TRERF1: variants seen among roughly 807,000 people sequenced by gnomAD.
TRERF1 encodes the protein transcriptional-regulating factor 1.
A neutral mutation model predicts 122.9 loss-of-function variants in TRERF1; 27 were observed. The observed-to-expected ratio is 0.22, with a 90% CI of 0.16 to 0.30. TRERF1 has a LOEUF of 0.30. Among genes scored for constraint, TRERF1 ranks in the 10% least tolerant of loss-of-function variants. The pLI is 1.00. For synonymous variants in TRERF1, 636 were observed against 641.7 expected (o/e 0.99, Z 0.13); for missense variants, 1,248 against 1,560.3 (o/e 0.80, Z 3.37).
At chr6:42,308,639 A>G (rs1362049302) in intron 3 of TRERF1, among the ~76,000 whole-genome samples, 1 of 152,244 alleles carries the variant, frequency 6.6e-6, no homozygotes, top group Non-Finnish European at 1.5e-5. Context: ...TTGCAGGAAC[A>G]TGGGTGGAGC....
At chr6:42,273,533 G>C (rs1780617797) in intron 4 of TRERF1, among the ~76,000 whole-genome samples, 1 of 152,174 alleles carries the variant, frequency 6.6e-6, no homozygotes, top group South Asian at 2.1e-4. Context: ...TAGACAAATA[G>C]GGCTTACAGA....
In TRERF1 at chr6:42,436,824, T is replaced by A. The variant is rs1269262526; in HGVS notation, c.-454+14353A>T. Among the ~76,000 whole-genome samples the A allele has an allele frequency of 7.5e-3, 1,000 of 133,586 alleles. 16 individuals are homozygous for A. The highest frequency in any genetic ancestry group is 0.028 in the African/African-American group (932 of 33,470). The allele number at this position is 133,586 out of a possible 152,430, so 87.6% of individuals were successfully genotyped here. A position where few individuals can be genotyped will look rare whatever the true frequency, so the allele number is the denominator to read the frequency against. ...ACAAAAAAAAAAAAAAATATATATA[T>A]ATATATATATATATATATATATATG... is the stretch of plus-strand genomic sequence containing the variant. On this transcript the variant is annotated intron_variant, in intron 2 of 17. Coordinates refer to ENST00000372922, the Ensembl canonical transcript of TRERF1.
chr6:42,303,225 C>T (rs1233246644), intron 3 of TRERF1, among the ~76,000 whole-genome samples: 1 of 152,146 alleles, frequency 6.6e-6, no homozygotes, highest in Non-Finnish European at 1.5e-5. Context: ...TGTTCCCTAC[C>T]TTCATGGAGC....
Position 42,259,371 on chromosome 6 carries a change from G to A in TRERF1, c.2237C>T (p.Thr746Met), listed in dbSNP as rs779911225. The change falls in exon 9 of 18, where the codon ACG becomes ATG. Residue 746 changes from threonine to methionine, a missense_variant. Transcript: ENST00000372922. The surrounding 1 kb of genome is among the most constrained non-coding windows in gnomAD (Gnocchi z 4.9). ...ACACAGCAGCACCCGTGGTGTGGGC[G>A]TCAGGGGCGTCAGGGGCAGCTGCGG... is the stretch of plus-strand genomic sequence containing the variant. 1.3e-6 allele frequency: 2 copies of A among 1,517,696 alleles called. No homozygotes were observed. The highest frequency in any genetic ancestry group is 1.3e-5 in the South Asian group (1 of 76,866). 94.0% of individuals were successfully genotyped at this position (1,517,696 alleles called of 1,614,324 possible).
chr6:42,370,029 A>C (rs1345377750), intron 2 of TRERF1, among the ~76,000 whole-genome samples: 1 of 152,092 alleles, frequency 6.6e-6, no homozygotes, highest in Non-Finnish European at 1.5e-5. Context: ...TTCCACACAC[A>C]TTATCCCTTC....
chr6:42,449,176 C>G (rs1788036410), intron 2 of TRERF1, among the ~76,000 whole-genome samples: 1 of 152,216 alleles, frequency 6.6e-6, no homozygotes, highest in African/African-American at 2.4e-5. Flanking sequence ...TATGTGGAAG[C>G]CTGCTTACCA....
chr6:42,435,993 T>C (rs1785284130), intron 2 of TRERF1, among the ~76,000 whole-genome samples: 1 of 150,692 alleles, frequency 6.6e-6, no homozygotes. Context: ...AATAAATAAA[T>C]AAATAAATAA....
Position 42,268,072 on chromosome 6 carries a change from G to A in TRERF1, c.1437+82C>T. ...AAGAACAAAAGGGTTGAGGGGGCTT[G>A]GAGAGAGGATTGAGCACTGCAGACT... On this transcript the variant is annotated intron_variant, in intron 5 of 17. Transcript: ENST00000372922. The surrounding 1 kb of genome is among the most constrained non-coding windows in gnomAD (Gnocchi z 4.4). 7.4e-7 allele frequency: 1 copy of A among 1,352,338 alleles called. No individual in the cohort carries two copies. The highest frequency in any genetic ancestry group is 9.6e-7 in the Non-Finnish European group (1 of 1,042,572). The allele number at this position is 1,352,338 out of a possible 1,614,324, so 83.8% of individuals were successfully genotyped here.
chr6:42,269,013 G>A lies in TRERF1; in HGVS notation c.578C>T (p.Pro193Leu). Residue 193 changes from proline to leucine, a missense_variant, in exon 5 of 18, where the codon CCA (proline) becomes CTA (leucine). Pro to Leu is a moderately conservative substitution (Grantham distance 98). This residue lies in a region of TRERF1 where 946 missense variants were observed against 1,073.0 expected (regional missense o/e 0.88). Coordinates refer to ENST00000372922, the Ensembl canonical transcript of TRERF1. This position sits in a 1 kb window ranked among gnomAD's most constrained non-coding sequence, Gnocchi z 4.9. The stretch of plus-strand genomic sequence containing the variant: ...GTAGCGGGAAGGGATAGCCGGTGCT[G>A]GGGGCTCCATGGGCTTCTGAGACAG... The A allele has an allele frequency of 6.2e-7, 1 of 1,613,808 alleles. No homozygotes were observed.
At chr6:42,252,395 G>T (rs1329309522) in intron 13 of TRERF1, among the ~76,000 whole-genome samples, 2 of 152,244 alleles carry the variant, frequency 1.3e-5, no homozygotes, top group African/African-American at 2.4e-5. Flanking sequence ...ACATGGACAG[G>T]CTCAGGCAGG....
At chr6:42,308,379 A>G (rs1466932333) in intron 3 of TRERF1, among the ~76,000 whole-genome samples, 1 of 152,238 alleles carries the variant, frequency 6.6e-6, no homozygotes, top group Non-Finnish European at 1.5e-5. Flanking sequence ...AAGGTCACAT[A>G]GTGTACGGTT....
Position 42,263,229 on chromosome 6 carries a change from C to A in TRERF1, c.1884+91G>T. Reference sequence around the variant, plus strand: ...CCAAGAAAGCAAAGGGATGTCCCCACCCAGGCAGGTGGGGCAGAGCAGCAA... The same window carrying A: ...CCAAGAAAGCAAAGGGATGTCCCCAACCAGGCAGGTGGGGCAGAGCAGCAA... On this transcript the variant is annotated intron_variant, in intron 8 of 17. Transcript: ENST00000372922. This position sits in a 1 kb window ranked among gnomAD's most constrained non-coding sequence, Gnocchi z 5.6. 1 of 1,488,410 alleles carries A rather than the reference C, an allele frequency of 6.7e-7. No individual in the cohort carries two copies. The highest frequency in any genetic ancestry group is 2.1e-5 in the Admixed American group (1 of 46,798). The allele number at this position is 1,488,410 out of a possible 1,614,324, so 92.2% of individuals were successfully genotyped here. A position where few individuals can be genotyped will look rare whatever the true frequency, so the allele number is the denominator to read the frequency against.
chr6:42,373,070 G>A (rs2151056518), intron 2 of TRERF1, among the ~76,000 whole-genome samples: 1 of 152,358 alleles, frequency 6.6e-6, no homozygotes, highest in East Asian at 1.9e-4. Flanking sequence ...AAGATTTAAT[G>A]AGAGGATGCA....
chr6:42,262,541 GAGAGAGAGAGAGAGAGA>G, intron 8 of TRERF1, among the ~76,000 whole-genome samples: 1 of 82,072 alleles, frequency 1.2e-5, no homozygotes, highest in African/African-American at 4.4e-5. Context: ...GAGAGAGAGA[GAGAGAGAGAGAGAGAGA>G]GAGAGAGAGA....
chr6:42,348,244 T>C (rs949799095), intron 3 of TRERF1, among the ~76,000 whole-genome samples: 1 of 151,714 alleles, frequency 6.6e-6, no homozygotes, highest in African/African-American at 2.4e-5. Flanking sequence ...TTTTTCTTTT[T>C]TCTTTTTCTT....
intron 2 of TRERF1, among the ~76,000 whole-genome samples, chr6:42,416,261 AG>A (rs1447426014): frequency 6.6e-6 from 1 of 152,136 alleles, no homozygotes; most frequent in Non-Finnish European, 1.5e-5. Context: ...CACCAGAACA[AG>A]GTTATATAAT....
chr6:42,373,899 C>G (rs1050107259), intron 2 of TRERF1, among the ~76,000 whole-genome samples: 1 of 151,204 alleles, frequency 6.6e-6, no homozygotes, highest in Admixed American at 6.6e-5. Flanking sequence ...CTTTGGGAGG[C>G]CAAGGTGGGC....
At chr6:42,372,393 G>T (rs260239) in intron 2 of TRERF1, among the ~76,000 whole-genome samples, 35,419 of 151,920 alleles carry the variant, frequency 0.23, 8,665 homozygotes, top group African/African-American at 0.62. Flanking sequence ...TGGGCTACAG[G>T]GACAGTTCTT....
intron 2 of TRERF1, among the ~76,000 whole-genome samples, chr6:42,365,653 G>C (rs1772591997): frequency 2.0e-5 from 3 of 152,182 alleles, no homozygotes. Context: ...AAGAGATGAA[G>C]TAATTTGCTC....
Sources: allele counts gnomAD v4.1 joint callset (sites outside exome capture counted in the v4.1 genomes callset), GRCh38; gene constraint gnomAD v4.1.1; regional missense constraint gnomAD v4.1.1; non-coding constraint Gnocchi (gnomAD v3.1); transcripts MANE v1.5; gene names NCBI Gene and HGNC (gene_info 2026-07-23, HGNC 2026-07-21).